Variants in CFAP73 observed in about 807,000 individuals in gnomAD.
CFAP73 encodes the protein cilia- and flagella-associated protein 73.
Under a neutral mutation model 42.9 loss-of-function variants are expected in CFAP73, and 33 were observed. That is an observed-to-expected ratio of 0.77 (90% CI 0.58 to 1.03). CFAP73 has a LOEUF of 1.03. CFAP73 is among the 50% of genes least tolerant of loss of function. The pLI, the probability that CFAP73 is intolerant of heterozygous loss-of-function variation, is 0.00. For synonymous variants in CFAP73, 162 were observed against 186.8 expected (o/e 0.87, Z 1.08); for missense variants, 392 against 411.9 (o/e 0.95, Z 0.42).
Position 113,158,813 on chromosome 12 carries a change from C to A in CFAP73, c.*124C>A. The A allele has an allele frequency of 2.7e-6, 4 of 1,499,674 alleles. No homozygotes were observed. The highest frequency in any genetic ancestry group is 1.3e-5 in the South Asian group (1 of 75,540). The allele number at this position is 1,499,674 out of a possible 1,614,324, so 92.9% of individuals were successfully genotyped here. On this transcript the variant is annotated 3_prime_UTR_variant, in exon 8 of 8. Transcript: ENST00000335621. This position sits in a 1 kb window ranked among gnomAD's most constrained non-coding sequence, Gnocchi z 4.9. ...ACAGGGCCAGGCACACAGTGGTGCA[C>A]GGGAACGTCTGCTGATGCCCACCCT...
rs1264281720 is a variant in CFAP73 at position 113,154,782 on chromosome 12, G to A, written c.690+147G>A. The A allele has an allele frequency of 7.6e-7, 1 of 1,322,050 alleles. No homozygotes were observed. The highest frequency in any genetic ancestry group is 9.6e-7 in the Non-Finnish European group (1 of 1,039,224). 81.9% of individuals were successfully genotyped at this position (1,322,050 alleles called of 1,614,324 possible). Reference sequence around the variant, plus strand: ...AAGGAGGGGAATCTCAGGCATCACCGAGCCGTTTCGGGCATGAGGCCCCGC... The same window carrying A: ...AAGGAGGGGAATCTCAGGCATCACCAAGCCGTTTCGGGCATGAGGCCCCGC... On this transcript the variant is annotated intron_variant, in intron 5 of 7. Transcript: ENST00000335621. The surrounding 1 kb of genome is among the most constrained non-coding windows in gnomAD (Gnocchi z 4.7).
Position 113,158,959 on chromosome 12 carries a change from C to CGGT in CFAP73, c.*271_*273dup, listed in dbSNP as rs1952170530. The CGGT allele has an allele frequency of 6.2e-7, 1 of 1,610,986 alleles. No individual in the cohort carries two copies. The highest frequency in any genetic ancestry group is 1.3e-5 in the African/African-American group (1 of 74,908). ...CTGCTGCAGCTCCTGGACGCGGCGG[C>CGGT]GGTTGCGGGCAGAGAGCTGCTTGAG... On this transcript the variant is annotated 3_prime_UTR_variant, in exon 8 of 8. Transcript: ENST00000335621. This position sits in a 1 kb window ranked among gnomAD's most constrained non-coding sequence, Gnocchi z 4.9.
rs374403009 is a variant in CFAP73 at position 113,158,872 on chromosome 12, G to A, written c.*183G>A. The A allele has an allele frequency of 2.7e-4, 424 of 1,591,388 alleles. No homozygotes were observed. Among genetic ancestry groups the A allele is most frequent in the Non-Finnish European group, 3.3e-4 (386 of 1,164,462 alleles). On this transcript the variant is annotated 3_prime_UTR_variant, in exon 8 of 8. Transcript: ENST00000335621. The surrounding 1 kb of genome is among the most constrained non-coding windows in gnomAD (Gnocchi z 4.9). ...TCAAGGAGCCACGGGGCTGGGTCCTGGTCCTCACATCCTCTTCCGCATCTT... is the reference window on the plus strand; with the variant it reads ...TCAAGGAGCCACGGGGCTGGGTCCTAGTCCTCACATCCTCTTCCGCATCTT...
At chr12:113,155,550 A>T in intron 6 of CFAP73, 132 bp downstream of exon 6, 1 of 1,021,018 alleles carries the variant, frequency 9.8e-7, no homozygotes, top group Non-Finnish European at 1.3e-6. Flanking sequence ...CCCTTGCCCC[A>T]GCCGTGGCTC....
chr12:113,153,296 T>A lies in CFAP73; in HGVS notation c.356T>A (p.Leu119Gln). Residue 119 changes from leucine (L) to glutamine (Q), a missense_variant, in exon 4 of 8, where the codon CTG becomes CAG. By Grantham distance (113) the Leu-to-Gln change is moderately radical (BLOSUM62 -2). Transcript: ENST00000335621. ...AGRREVEALR[L>Q]WTQLQELRRE... ...CGTCGGGAGGTGGAGGCGCTGCGTC[T>A]GTGGACCCAGCTCCAGGAGCTACGG... 1 of 1,520,650 alleles carries A rather than the reference T, an allele frequency of 6.6e-7. No individual in the cohort carries two copies. Among genetic ancestry groups the A allele is most frequent in the Non-Finnish European group, 8.8e-7 (1 of 1,138,934 alleles). 94.2% of individuals were successfully genotyped at this position (1,520,650 alleles called of 1,614,324 possible). A position where few individuals can be genotyped will look rare whatever the true frequency, so the allele number is the denominator to read the frequency against.
At chr12:113,150,871 G>A (rs896234123) in intron 1 of CFAP73, among the ~76,000 whole-genome samples, 1 of 152,060 alleles carries the variant, frequency 6.6e-6, no homozygotes, top group Non-Finnish European at 1.5e-5. Context: ...AGCCACACCA[G>A]GGTCCTAGAA....
Position 113,159,105 on chromosome 12 carries a change from T to C in CFAP73, c.*416T>C. 1 of 1,594,130 alleles carries C rather than the reference T, an allele frequency of 6.3e-7. No individual in the cohort carries two copies. Among genetic ancestry groups the C allele is most frequent in the Non-Finnish European group, 8.5e-7 (1 of 1,171,380 alleles). On this transcript the variant is annotated 3_prime_UTR_variant, in exon 8 of 8. Coordinates refer to ENST00000335621, the MANE Select transcript of CFAP73 (RefSeq NM_001144872.3). The stretch of plus-strand genomic sequence containing the variant: ...GGGTGCCTGGGGCGTGGGGCCGGGA[T>C]GCACCTGCTGGGACAGGGATTCAGG...
At chr12:113,157,564 CTG>C (rs989446989) in intron 6 of CFAP73, 36 bp from the exon 7 acceptor site, 42 of 1,538,340 alleles carry the variant, frequency 2.7e-5, no homozygotes, top group Non-Finnish European at 3.7e-5. Context: ...GACAGTGACT[CTG>C]GGGCTGGGAT....
At position 113,153,231 on chromosome 12, in the gene CFAP73, C is replaced by T; in HGVS notation, c.291C>T (p.Arg97=). The change falls in exon 4 of 8, where the codon CGC becomes CGT. Residue 97 remains arginine (R), a synonymous_variant. Transcript: ENST00000335621. The part of the protein sequence containing the change: ...FLQDSEARRN[R]ALRRAAEERH... ...AGGACTCCGAGGCCCGGCGCAATCG[C>T]GCGCTGCGGAGGGCGGCGGAGGAGA... is the stretch of plus-strand genomic sequence containing the variant. The T allele has an allele frequency of 2.6e-6, 4 of 1,519,700 alleles. No individual in the cohort carries two copies. The Middle Eastern group carries it at 8.1e-4, about 308-fold the overall frequency. The allele number at this position is 1,519,700 out of a possible 1,614,324, so 94.1% of individuals were successfully genotyped here.
At position 113,154,303 on chromosome 12, in the gene CFAP73, T is replaced by A; in HGVS notation, c.469-111T>A. On this transcript the variant is annotated intron_variant, in intron 4 of 7. Coordinates refer to ENST00000335621, the MANE Select transcript of CFAP73 (RefSeq NM_001144872.3). This position sits in a 1 kb window ranked among gnomAD's most constrained non-coding sequence, Gnocchi z 4.7. Reference sequence around the variant, plus strand: ...TAACAAATGGAGGTTGACATTTAAGTCACTTTCCAGAAAGATTATTCCAAT... The same window carrying A: ...TAACAAATGGAGGTTGACATTTAAGACACTTTCCAGAAAGATTATTCCAAT... 1 of 1,318,192 alleles carries A rather than the reference T, an allele frequency of 7.6e-7. No individual in the cohort carries two copies. The highest frequency in any genetic ancestry group is 1.0e-6 in the Non-Finnish European group (1 of 956,992). 81.7% of individuals were successfully genotyped at this position (1,318,192 alleles called of 1,614,324 possible). A position where few individuals can be genotyped will look rare whatever the true frequency, so the allele number is the denominator to read the frequency against.
chr12:113,153,248 C>G lies in CFAP73; in HGVS notation c.308C>G (p.Ala103Gly). 6.6e-7 allele frequency: 1 copy of G among 1,520,204 alleles called. No homozygotes were observed. The highest frequency in any genetic ancestry group is 2.6e-5 in the East Asian group (1 of 39,172). The allele number at this position is 1,520,204 out of a possible 1,614,324, so 94.2% of individuals were successfully genotyped here. A position where few individuals can be genotyped will look rare whatever the true frequency, so the allele number is the denominator to read the frequency against. Residue 103 changes from alanine (A) to glycine (G), a missense_variant, in exon 4 of 8, where the codon GCG (alanine) becomes GGG (glycine). Physicochemically the swap from Ala to Gly is moderately conservative, Grantham distance 60. Coordinates refer to ENST00000335621, the MANE Select transcript of CFAP73 (RefSeq NM_001144872.3). The stretch of plus-strand genomic sequence containing the variant: ...CGCAATCGCGCGCTGCGGAGGGCGG[C>G]GGAGGAGAGGCACCAGGCGGGCCGT... ...ARRNRALRRA[A>G]EERHQAGRRE...
chr12:113,149,973 C>T, intron 1 of CFAP73, 60 bp downstream of exon 1: 10 of 1,506,530 alleles, frequency 6.6e-6, no homozygotes, highest in Non-Finnish European at 9.0e-6. Context: ...TGGGCTGGCC[C>T]ATCCTTTCTT....
At chr12:113,155,069 C>G (rs1952106021) in intron 5 of CFAP73, among the ~76,000 whole-genome samples, 191 bp from the exon 6 acceptor site, 1 of 152,032 alleles carries the variant, frequency 6.6e-6, no homozygotes, top group Non-Finnish European at 1.5e-5. Flanking sequence ...ACTCGGGAGG[C>G]TGAAGGAGGA....
intron 2 of CFAP73, 139 bp downstream of exon 2, chr12:113,152,162 G>T: frequency 1.6e-6 from 1 of 639,822 alleles, no homozygotes. Flanking sequence ...GGGATCAAAT[G>T]AGACCAGTTG....
intron 4 of CFAP73, among the ~76,000 whole-genome samples, 188 bp downstream of exon 4, chr12:113,153,596 G>C (rs571470321): frequency 2.0e-5 from 3 of 152,248 alleles, no homozygotes; most frequent in Admixed American, 6.5e-5. Flanking sequence ...GTGGTTGTTA[G>C]TTTTGGAGGT....
intron 6 of CFAP73, among the ~76,000 whole-genome samples, chr12:113,155,979 G>A (rs1432694017): frequency 5.3e-5 from 8 of 150,814 alleles, no homozygotes; most frequent in Non-Finnish European, 1.2e-4. Context: ...CTAGGCTGGA[G>A]TGCAGTGACA....
intron 6 of CFAP73, 102 bp downstream of exon 6, chr12:113,155,520 A>C: frequency 7.8e-7 from 1 of 1,278,250 alleles, no homozygotes; most frequent in Admixed American, 2.5e-5. Context: ...TGGGTTAAGC[A>C]TGGCCCTCTA....
At chr12:113,152,735 G>C in intron 2 of CFAP73, 48 bp from the exon 3 acceptor site, 1 of 1,347,408 alleles carries the variant, frequency 7.4e-7, no homozygotes, top group Non-Finnish European at 1.0e-6. Context: ...CAGCATGGGA[G>C]GACCCGGACC....
rs935663541 is a variant in CFAP73 at position 113,152,003 on chromosome 12, G to C, written c.142G>C (p.Ala48Pro). The C allele has an allele frequency of 6.4e-7, 1 of 1,551,284 alleles. No homozygotes were observed. Among genetic ancestry groups the C allele is most frequent in the Non-Finnish European group, 8.7e-7 (1 of 1,146,864 alleles). Residue 48 changes from alanine to proline, a missense_variant, in exon 2 of 8, where the codon GCC becomes CCC. By Grantham distance (27) the Ala-to-Pro change is conservative (BLOSUM62 -1). Transcript: ENST00000335621. ...KRQELVDADQ[A>P]LQAQKEVFRT... ...GCAAGAGCTGGTAGATGCAGACCAG[G>C]CCCTGCAGGCCCAGAAGGAGGTGAG...
Sources: allele counts gnomAD v4.1 joint callset (sites outside exome capture counted in the v4.1 genomes callset), GRCh38; gene constraint gnomAD v4.1.1; non-coding constraint Gnocchi (gnomAD v3.1); transcripts MANE v1.5; gene names NCBI Gene and HGNC (gene_info 2026-07-23, HGNC 2026-07-21).